The following SYNE1 variants were observed in gnomAD, a reference collection of about 807,000 sequenced individuals.
The protein encoded by SYNE1 is nesprin-1.
SYNE1 carries 616 observed loss-of-function variants against 1,111.0 expected under a neutral mutation model. That is an observed-to-expected ratio of 0.55 (90% CI 0.52 to 0.59). The LOEUF is 0.59. SYNE1 is among the 20% of genes least tolerant of loss of function. SYNE1 has a pLI of 0.00. For missense variants in SYNE1, 10,006 were observed against 10,417.0 expected (o/e 0.96, Z 1.72); for synonymous variants, 3,855 against 3,825.8 (o/e 1.01, Z -0.28).
At chr6:152,268,412 T>C (rs955020853) in intron 99 of SYNE1, among the ~76,000 whole-genome samples, 1 of 144,272 alleles carries the variant, frequency 6.9e-6, no homozygotes, top group Non-Finnish European at 1.5e-5. Flanking sequence ...AAACCACCAA[T>C]GGGAAAAGAA....
intron 115 of SYNE1, among the ~76,000 whole-genome samples, chr6:152,226,823 C>T (rs1266247928): frequency 1.3e-5 from 2 of 152,102 alleles, no homozygotes; most frequent in African/African-American, 4.8e-5. Context: ...GTCGGCTGAA[C>T]CTCAGACTGT....
chr6:152,581,338 T>C (rs2099518596), intron 3 of SYNE1, among the ~76,000 whole-genome samples: 1 of 152,172 alleles, frequency 6.6e-6, no homozygotes, highest in Non-Finnish European at 1.5e-5. Context: ...TCAAATCAAA[T>C]GACCTCCCAG....
intron 98 of SYNE1, among the ~76,000 whole-genome samples, chr6:152,271,921 TCCCTTGGAAAATTCTCCGAG>T (rs2153688296): frequency 6.6e-6 from 1 of 152,252 alleles, no homozygotes; most frequent in Non-Finnish European, 1.5e-5. Flanking sequence ...GCCTGAAGAC[TCCCTTGGAAAATTCTCCGAG>T]CCCTGAGCCC....
intron 36 of SYNE1, 122 bp from the exon 37 acceptor site, chr6:152,428,514 G>C: frequency 1.1e-6 from 1 of 899,088 alleles, no homozygotes; most frequent in Non-Finnish European, 1.8e-6. Context: ...ATAGCACTAA[G>C]AATGGGTACA....
At chr6:152,422,497 C>CT (rs147582479) in intron 39 of SYNE1, among the ~76,000 whole-genome samples, 25,560 of 151,052 alleles carry the variant, frequency 0.17, 2,461 homozygotes, top group Non-Finnish European at 0.21. Flanking sequence ...ATGAAATAGC[C>CT]TTTTTTTTTC....
chr6:152,436,983 T>C (rs929514948), intron 32 of SYNE1, among the ~76,000 whole-genome samples: 2 of 148,986 alleles, frequency 1.3e-5, no homozygotes, highest in African/African-American at 5.0e-5. Flanking sequence ...CTTGGCAAAA[T>C]GGGAAGACCT....
rs2096802923 is a variant in SYNE1 at position 152,354,659 on chromosome 6, C to T, written c.10926G>A (p.Lys3642=). ...GATCAGGAATCTACATGAGTTGTAC[C>T]TTCATCTGATGTAATTGTATCTCCT... ...ATKEIQLHQM[K]KWHEEVTAYR... is the part of the protein sequence containing the mutation. The change falls in exon 67 of 146, where the codon AAG becomes AAA. Residue 3642 remains lysine (K), a splice_region_variant and synonymous_variant. Transcript: ENST00000367255. 7 of 1,614,050 alleles carry T rather than the reference C, an allele frequency of 4.3e-6. No individual in the cohort carries two copies. Among genetic ancestry groups the T allele is most frequent in the Non-Finnish European group, 5.9e-6 (7 of 1,179,928 alleles).
chr6:152,169,252 A>G (rs2064473358), intron 130 of SYNE1, among the ~76,000 whole-genome samples: 2 of 152,184 alleles, frequency 1.3e-5, no homozygotes, highest in Non-Finnish European at 2.9e-5. Context: ...AAAACAGAAC[A>G]CTACAGGAAA....
At chr6:152,557,151 C>G (rs2099367906) in intron 3 of SYNE1, among the ~76,000 whole-genome samples, 1 of 151,838 alleles carries the variant, frequency 6.6e-6, no homozygotes, top group Non-Finnish European at 1.5e-5. Context: ...AGCTGACGAA[C>G]ACAATAACTG....
At chr6:152,234,981 T>C (rs1420256037) in intron 110 of SYNE1, among the ~76,000 whole-genome samples, 181 bp from the exon 111 acceptor site, 1 of 152,218 alleles carries the variant, frequency 6.6e-6, no homozygotes, top group African/African-American at 2.4e-5. Context: ...CCTGTCTCTC[T>C]GGGTTTCCGC....
chr6:152,580,556 C>T (rs760718517), intron 3 of SYNE1, among the ~76,000 whole-genome samples: 12 of 152,084 alleles, frequency 7.9e-5, no homozygotes, highest in Non-Finnish European at 1.3e-4. Flanking sequence ...GTTGCAATTG[C>T]GTTTGGAGTC....
intron 54 of SYNE1, among the ~76,000 whole-genome samples, chr6:152,386,227 C>T (rs1295546469): frequency 6.6e-6 from 1 of 152,132 alleles, no homozygotes; most frequent in Non-Finnish European, 1.5e-5. Flanking sequence ...ATCTTCATAA[C>T]AGTCCTGTGA....
At chr6:152,474,035 A>G (rs2154281807) in intron 14 of SYNE1, among the ~76,000 whole-genome samples, 1 of 152,222 alleles carries the variant, frequency 6.6e-6, no homozygotes, top group East Asian at 1.9e-4. Context: ...GATACAAAAA[A>G]TTAGCCAGGC....
chr6:152,500,428 C>T (rs1296494686), intron 10 of SYNE1, among the ~76,000 whole-genome samples: 1 of 152,164 alleles, frequency 6.6e-6, no homozygotes, highest in Non-Finnish European at 1.5e-5. Context: ...CCAATCCTGG[C>T]AAGGAACAAA....
At chr6:152,394,234 C>T (rs1394527220) in intron 51 of SYNE1, among the ~76,000 whole-genome samples, 1 of 152,180 alleles carries the variant, frequency 6.6e-6, no homozygotes, top group African/African-American at 2.4e-5. Flanking sequence ...CACTGATGGG[C>T]ATTTGGGTTG....
At chr6:152,151,879 A>G in intron 134 of SYNE1, 80 bp downstream of exon 134, 1 of 1,554,748 alleles carries the variant, frequency 6.4e-7, no homozygotes, top group Non-Finnish European at 8.8e-7. Context: ...AAAATCACTG[A>G]GACTGTGTCT....
chr6:152,629,760 A>G (rs2099694786), intron 2 of SYNE1, among the ~76,000 whole-genome samples: 2 of 152,104 alleles, frequency 1.3e-5, no homozygotes, highest in Admixed American at 1.3e-4. Context: ...CAGGGAGGTG[A>G]TACTTGATTA....
intron 88 of SYNE1, 71 bp from the exon 89 acceptor site, chr6:152,310,589 G>A: frequency 6.2e-7 from 1 of 1,612,054 alleles, no homozygotes. Flanking sequence ...TCACAGTCAA[G>A]AAACCACATC....
chr6:152,580,878 G>C (rs2099516874), intron 3 of SYNE1, among the ~76,000 whole-genome samples: 1 of 152,148 alleles, frequency 6.6e-6, no homozygotes, highest in Non-Finnish European at 1.5e-5. Context: ...TTTCTAATTT[G>C]TTACAGAGCC....
Sources: gnomAD v4.1 joint callset for allele counts (sites outside exome capture counted in the v4.1 genomes callset) on GRCh38, gnomAD v4.1.1 for gene constraint, MANE v1.5 for transcripts, NCBI Gene and HGNC (gene_info 2026-07-23, HGNC 2026-07-21) for gene names.